The following ANKFN1 variants were observed in gnomAD, a reference collection of about 807,000 sequenced individuals.
ANKFN1 encodes ankyrin repeat and fibronectin type III domain containing 1.
ANKFN1 carries 74 observed loss-of-function variants against 108.7 expected under a neutral mutation model. The ratio of observed to expected loss-of-function variants is 0.68; its 90% CI spans 0.56 to 0.83. The LOEUF (loss-of-function observed/expected upper bound fraction) is 0.83, where lower values mean the gene tolerates loss of function less well. ANKFN1 is among the 40% of genes least tolerant of loss of function. ANKFN1 has a pLI of 0.00. For missense variants in ANKFN1, 1,505 were observed against 1,382.3 expected, an observed-to-expected ratio of 1.09 and a Z score of -1.41; for synonymous variants, 547 against 516.2, an observed-to-expected ratio of 1.06 and a Z score of -0.81.
intron 4 of ANKFN1, among the ~76,000 whole-genome samples, chr17:56,070,778 A>C (rs1159812897): frequency 1.1e-4 from 17 of 149,852 alleles, no homozygotes; most frequent in African/African-American, 3.7e-4. Context: ...CACTCTCACC[A>C]GGCTGGGGTG....
At chr17:56,079,577 C>T (rs6505038) in intron 4 of ANKFN1, among the ~76,000 whole-genome samples, 109,542 of 152,076 alleles carry the variant, frequency 0.72, 39,869 homozygotes, top group Middle Eastern at 0.8. Context: ...ATGTGAAAGA[C>T]ACTGTGAGAA....
chr17:56,217,796 A>G (rs1350800250), intron 2 of ANKFN1, among the ~76,000 whole-genome samples: 3 of 152,184 alleles, frequency 2.0e-5, no homozygotes, highest in Admixed American at 1.3e-4. Flanking sequence ...AATAATTTGT[A>G]CTTGTCTTTC....
At chr17:56,179,113 G>A (rs1911442940) in intron 1 of ANKFN1, among the ~76,000 whole-genome samples, 2 of 152,080 alleles carry the variant, frequency 1.3e-5, no homozygotes, top group Admixed American at 6.6e-5. Flanking sequence ...GTGGTGAGAT[G>A]TCATTCACCC....
chr17:56,069,561 A>C (rs1439440732), intron 4 of ANKFN1, among the ~76,000 whole-genome samples: 2 of 152,318 alleles, frequency 1.3e-5, no homozygotes, highest in East Asian at 3.9e-4. Context: ...CAATTTTTGA[A>C]CTGGAGTTTG....
rs3052391 is a variant in ANKFN1 at position 56,503,486 on chromosome 17, C to CATATATATATATATATAT, written c.2644+4414_2644+4431dup. ...AATAAATTCACTGAAGCACAAATTTCATATATATATATATATATATATATA... is the reference window on the plus strand; with the variant it reads ...AATAAATTCACTGAAGCACAAATTTCATATATATATATATATATATATATATATATATATATATATATA... On this transcript the variant is annotated intron_variant, in intron 20 of 20. Transcript: ENST00000682825. Among the ~76,000 whole-genome samples the CATATATATATATATATAT allele has an allele frequency of 4.0e-4, 33 of 81,520 alleles. 1 individual carries two copies. Among genetic ancestry groups the CATATATATATATATATAT allele is most frequent in the South Asian group, 9.5e-4 (2 of 2,098 alleles). The allele number at this position is 81,520 out of a possible 152,430, so 53.5% of individuals were successfully genotyped here. A position where few individuals can be genotyped will look rare whatever the true frequency, so the allele number is the denominator to read the frequency against.
intron 3 of ANKFN1, among the ~76,000 whole-genome samples, chr17:56,233,390 C>T (rs1200803245): frequency 6.6e-6 from 1 of 152,004 alleles, no homozygotes; most frequent in Non-Finnish European, 1.5e-5. Context: ...AAGATGACAA[C>T]AATGTACATT....
intron 8 of ANKFN1, among the ~76,000 whole-genome samples, chr17:56,383,255 GA>G (rs1312864367): frequency 9.2e-5 from 14 of 152,096 alleles, no homozygotes; most frequent in Non-Finnish European, 1.9e-4. Context: ...AATGAAGGCA[GA>G]AATAAAGATG....
At chr17:56,244,608 T>A (rs79895467) in intron 3 of ANKFN1, among the ~76,000 whole-genome samples, 1 of 152,274 alleles carries the variant, frequency 6.6e-6, no homozygotes, top group African/African-American at 2.4e-5. Context: ...CTTGAAACTA[T>A]ATGCTGAGTC....
chr17:56,351,968 C>T (rs544342563), intron 5 of ANKFN1, among the ~76,000 whole-genome samples: 10 of 152,224 alleles, frequency 6.6e-5, no homozygotes, highest in African/African-American at 9.6e-5. Context: ...AGAGTAAATA[C>T]GGCACATGAG....
intron 19 of ANKFN1, among the ~76,000 whole-genome samples, 165 bp from the exon 20 acceptor site, chr17:56,498,717 C>T (rs1351908881): frequency 6.6e-6 from 1 of 152,072 alleles, no homozygotes; most frequent in Non-Finnish European, 1.5e-5. Context: ...AAAAATATTA[C>T]AAAAAGAGAG....
chr17:56,447,090 G>A (rs1298775843), intron 10 of ANKFN1, among the ~76,000 whole-genome samples: 2 of 152,048 alleles, frequency 1.3e-5, no homozygotes, highest in Non-Finnish European at 2.9e-5. Flanking sequence ...AGGCCTGCTG[G>A]CACACACCTG....
chr17:56,316,394 G>A (rs2045208582), intron 3 of ANKFN1, among the ~76,000 whole-genome samples: 1 of 152,112 alleles, frequency 6.6e-6, no homozygotes, highest in Non-Finnish European at 1.5e-5. Context: ...TATTTCTTAT[G>A]GCAGTAGAAA....
chr17:56,239,097 A>G (rs1265775363), intron 3 of ANKFN1, among the ~76,000 whole-genome samples: 2 of 152,180 alleles, frequency 1.3e-5, no homozygotes, highest in East Asian at 1.9e-4. Context: ...TCATCATTCT[A>G]TCTTTTCTAA....
chr17:56,195,222 T>A (rs1598215835), intron 1 of ANKFN1: 1 of 152,232 alleles, frequency 6.6e-6, no homozygotes, highest in East Asian at 1.9e-4. Flanking sequence ...GGTGCTCCCA[T>A]GCACTTTGCA....
intron 3 of ANKFN1, among the ~76,000 whole-genome samples, chr17:56,297,485 A>C (rs2044548145): frequency 6.6e-6 from 1 of 152,238 alleles, no homozygotes; most frequent in East Asian, 1.9e-4. Flanking sequence ...AGCAGCTTCC[A>C]GAACAAGATT....
rs1283674357 is a variant in ANKFN1, at chr17:56,492,372, T to C, written c.2427+19T>C. ...CATTCAGGTAATTGTTTGTTCCTTCTGGGGTAAAAGGAAGGGAGAAGAGGC... is the reference window on the plus strand; with the variant it reads ...CATTCAGGTAATTGTTTGTTCCTTCCGGGGTAAAAGGAAGGGAGAAGAGGC... On this transcript the variant is annotated intron_variant, in intron 19 of 20. Transcript: ENST00000682825. 5.7e-6 allele frequency: 4 copies of C among 697,890 alleles called. No individual in the cohort carries two copies. Among genetic ancestry groups the C allele is most frequent in the Non-Finnish European group, 1.1e-5 (4 of 380,756 alleles). 43.2% of individuals were successfully genotyped at this position (697,890 alleles called of 1,614,324 possible).
intron 1 of ANKFN1, among the ~76,000 whole-genome samples, chr17:56,200,458 A>C (rs1400112381): frequency 6.6e-6 from 1 of 152,220 alleles, no homozygotes; most frequent in Non-Finnish European, 1.5e-5. Flanking sequence ...AGTGGTTATC[A>C]AGCATTGTTT....
At chr17:56,279,497 A>G (rs2044016175) in intron 3 of ANKFN1, among the ~76,000 whole-genome samples, 1 of 152,214 alleles carries the variant, frequency 6.6e-6, no homozygotes, top group Non-Finnish European at 1.5e-5. Context: ...TAGCTCGAAA[A>G]TTGACAACAC....
intron 8 of ANKFN1, 53 bp from the exon 9 acceptor site, chr17:56,440,274 C>T (rs1161417720): frequency 1.7e-6 from 2 of 1,192,840 alleles, no homozygotes; most frequent in Admixed American, 3.6e-5. Context: ...TGATGTGTGA[C>T]TGAATTTTAT....
Sources: gnomAD v4.1 joint callset for allele counts (sites outside exome capture counted in the v4.1 genomes callset) on GRCh38, gnomAD v4.1.1 for gene constraint, MANE v1.5 for transcripts, NCBI Gene and HGNC (gene_info 2026-07-23, HGNC 2026-07-21) for gene names.